The following SGSM1 variants were observed in gnomAD, a reference collection of about 807,000 sequenced individuals.
The protein encoded by SGSM1 is small G protein signaling modulator 1.
In SGSM1, 73 loss-of-function variants were observed where a neutral mutation model predicts 133.8. The ratio of observed to expected loss-of-function variants is 0.55; its 90% CI spans 0.45 to 0.66. The LOEUF (loss-of-function observed/expected upper bound fraction) is 0.66, where lower values mean the gene tolerates loss of function less well. SGSM1 is among the 30% of genes least tolerant of loss of function. SGSM1 has a pLI of 0.00. For missense variants in SGSM1, 1,213 were observed against 1,448.1 expected, an observed-to-expected ratio of 0.84 and a Z score of 2.64; for synonymous variants, 563 against 573.0, an observed-to-expected ratio of 0.98 and a Z score of 0.25.
intron 13 of SGSM1, 60 bp from the exon 14 acceptor site, chr22:24,879,402 C>G: frequency 6.4e-7 from 1 of 1,561,298 alleles, no homozygotes; most frequent in South Asian, 1.1e-5. Flanking sequence ...TTATCCTCTC[C>G]AGAAAATCTG....
At chr22:24,842,189 T>G (rs150422115) in intron 2 of SGSM1, among the ~76,000 whole-genome samples, 1 of 152,168 alleles carries the variant, frequency 6.6e-6, no homozygotes, top group Non-Finnish European at 1.5e-5. Context: ...AAGAGGTAGA[T>G]TCCTGCAGAG....
intron 16 of SGSM1, among the ~76,000 whole-genome samples, chr22:24,887,901 G>T (rs1489287280): frequency 4.7e-4 from 71 of 152,234 alleles, no homozygotes; most frequent in Admixed American, 4.6e-3. Context: ...ACCTGACATG[G>T]ATAATTGATA....
Position 24,898,547 on chromosome 22 carries a change from C to T in SGSM1, c.2598C>T (p.Gly866=), listed in dbSNP as rs141665346. ...ANEVSPVSSS[G]VTYSPELLDL... ...AGGTGTCCCCTGTGTCTTCCAGCGG[C>T]GTCACCTACTCTGTAAGTCACCAGG... Residue 866 remains glycine, a synonymous_variant, in exon 19 of 25, where the codon GGC becomes GGT. Transcript: ENST00000400358. 776 of 1,604,628 alleles carry T rather than the reference C, an allele frequency of 4.8e-4. No homozygotes were observed. Among genetic ancestry groups the T allele is most frequent in the Non-Finnish European group, 6.3e-4 (736 of 1,174,832 alleles).
chr22:24,872,670 G>A (rs1931821981), intron 12 of SGSM1, among the ~76,000 whole-genome samples: 1 of 152,162 alleles, frequency 6.6e-6, no homozygotes, highest in Non-Finnish European at 1.5e-5. Context: ...TGTAATCCCA[G>A]CACTTTGCGG....
chr22:24,868,960 A>G (rs1931619904), intron 12 of SGSM1, 105 bp downstream of exon 12: 1 of 1,482,290 alleles, frequency 6.7e-7, no homozygotes. Context: ...TTCTGGGGCT[A>G]ACAGGAGGAT....
intron 8 of SGSM1, 54 bp from the exon 9 acceptor site, chr22:24,859,662 T>G: frequency 6.2e-7 from 1 of 1,610,572 alleles, no homozygotes; most frequent in East Asian, 2.2e-5. Flanking sequence ...CCAGGACCTA[T>G]GTCCACAGCA....
At chr22:24,812,065 G>A (rs1927774306) in intron 2 of SGSM1, among the ~76,000 whole-genome samples, 1 of 151,632 alleles carries the variant, frequency 6.6e-6, no homozygotes, top group Non-Finnish European at 1.5e-5. Flanking sequence ...AGCTACTCGG[G>A]ATGCTGAGGC....
At chr22:24,860,642 C>T (rs982565645) in intron 9 of SGSM1, among the ~76,000 whole-genome samples, 1 of 151,902 alleles carries the variant, frequency 6.6e-6, no homozygotes, top group South Asian at 2.1e-4. Context: ...GTGGCTCACA[C>T]CTGTAATCCC....
At chr22:24,869,478 G>T (rs1931657015) in intron 12 of SGSM1, among the ~76,000 whole-genome samples, 1 of 152,156 alleles carries the variant, frequency 6.6e-6, no homozygotes, top group African/African-American at 2.4e-5. Flanking sequence ...CCGTGATTAT[G>T]TCATTGCACT....
At chr22:24,916,210 C>G (rs1933817458) in intron 22 of SGSM1, among the ~76,000 whole-genome samples, 1 of 152,130 alleles carries the variant, frequency 6.6e-6, no homozygotes, top group Non-Finnish European at 1.5e-5. Context: ...CAACCACTCC[C>G]CATCCCCTCC....
intron 8 of SGSM1, among the ~76,000 whole-genome samples, chr22:24,857,609 A>G (rs1930883430): frequency 6.6e-6 from 1 of 152,196 alleles, no homozygotes; most frequent in Non-Finnish European, 1.5e-5. Context: ...AAATACATTA[A>G]TTAAGATATT....
At chr22:24,862,385 C>G (rs1931207341) in intron 9 of SGSM1, among the ~76,000 whole-genome samples, 1 of 152,152 alleles carries the variant, frequency 6.6e-6, no homozygotes, top group African/African-American at 2.4e-5. Context: ...CCAGATCACA[C>G]AAGCCCTGAA....
At chr22:24,892,534 C>T (rs1471015467) in intron 16 of SGSM1, among the ~76,000 whole-genome samples, 1 of 152,004 alleles carries the variant, frequency 6.6e-6, no homozygotes, top group East Asian at 1.9e-4. Context: ...TGTATTGTAT[C>T]CTCAGCACCT....
chr22:24,890,243 A>C (rs1182181143), intron 16 of SGSM1, among the ~76,000 whole-genome samples: 2 of 152,358 alleles, frequency 1.3e-5, no homozygotes, highest in South Asian at 2.1e-4. Context: ...GGCATGAGCC[A>C]CCACGCCCGG....
chr22:24,894,305 A>G (rs1002732415), intron 17 of SGSM1, among the ~76,000 whole-genome samples: 14 of 152,218 alleles, frequency 9.2e-5, no homozygotes, highest in African/African-American at 3.1e-4. Flanking sequence ...AGGCAGGAGA[A>G]TCACTTAAAC....
At chr22:24,851,100 C>CAAAAAAAAAAAAA (rs68153757) in intron 5 of SGSM1, among the ~76,000 whole-genome samples, 1 of 95,780 alleles carries the variant, frequency 1.0e-5, no homozygotes, top group Non-Finnish European at 2.5e-5. Flanking sequence ...GACTCCATCT[C>CAAAAAAAAAAAAA]AAAAAAAAAA....
chr22:24,813,280 C>T (rs1010332958), intron 2 of SGSM1, among the ~76,000 whole-genome samples: 3 of 152,138 alleles, frequency 2.0e-5, no homozygotes, highest in African/African-American at 4.8e-5. Context: ...TCGAAGGCAT[C>T]GAAGGCTTTG....
Position 24,919,865 on chromosome 22 carries a change from T to C in SGSM1, c.3065T>C (p.Ile1022Thr). 1.2e-6 allele frequency: 2 copies of C among 1,614,084 alleles called. No individual in the cohort carries two copies. Among genetic ancestry groups the C allele is most frequent in the Admixed American group, 1.7e-5 (1 of 60,034 alleles). Residue 1022 changes from isoleucine (I) to threonine (T), a missense_variant, in exon 24 of 25, where the codon ATC becomes ACC. Coordinates refer to ENST00000400358, the MANE Select transcript of SGSM1 (RefSeq NM_001098497.3). ...GACGTCTTCTTGGTCTGGGAGACCA[T>C]CTGGGCAGCCAAACACGTCTCCTCT... is the stretch of plus-strand genomic sequence containing the variant. ...YDDVFLVWETIWAAKHVSSAH... is the reference protein window; with the variant it reads ...YDDVFLVWETTWAAKHVSSAH...
chr22:24,881,993 TC>T (rs1170744528), intron 14 of SGSM1, among the ~76,000 whole-genome samples: 2 of 152,090 alleles, frequency 1.3e-5, no homozygotes, highest in East Asian at 3.9e-4. Flanking sequence ...TGTCAGCATC[TC>T]CCTGGTTACT....
Sources: allele counts gnomAD v4.1 joint callset (sites outside exome capture counted in the v4.1 genomes callset), GRCh38; gene constraint gnomAD v4.1.1; transcripts MANE v1.5; gene names NCBI Gene and HGNC (gene_info 2026-07-23, HGNC 2026-07-21).